Variants in TRPA1 observed in about 807,000 individuals in gnomAD.
TRPA1 encodes the protein transient receptor potential cation channel subfamily A member 1, also known as ankyrin-like with transmembrane domains 1.
A neutral mutation model predicts 131.3 loss-of-function variants in TRPA1; 129 were observed. That is an observed-to-expected ratio of 0.98 (90% CI 0.85 to 1.14). The LOEUF is 1.14. TRPA1 is among the 50% of genes most tolerant of loss of function. The pLI is 0.00. For missense variants in TRPA1, 1,304 were observed against 1,354.2 expected (o/e 0.96, Z 0.58); for synonymous variants, 441 against 451.7 (o/e 0.98, Z 0.30).
Position 72,022,944 on chromosome 8 carries a change from T to G in TRPA1, c.3322A>C (p.Arg1108=). ...TGGTGTGTTTTTGCCTTGACTGCTC[T>G]CAACACAGTATTCCATCTGCTATTC... The part of the protein sequence containing the change: ...QRNSRWNTVL[R]AVKAKTHHLE... Residue 1108 remains arginine (R), a synonymous_variant, in exon 27 of 27, where the codon AGA becomes CGA. Coordinates refer to ENST00000262209, the MANE Select transcript of TRPA1 (RefSeq NM_007332.3). The G allele has an allele frequency of 1.9e-6, 3 of 1,613,864 alleles. No homozygotes were observed. The highest frequency in any genetic ancestry group is 2.5e-6 in the Non-Finnish European group (3 of 1,179,832).
At position 72,073,707 on chromosome 8, in the gene TRPA1, G is replaced by A. The variant is rs576284079; in HGVS notation, c.111+1592C>T. Among the ~76,000 whole-genome samples the A allele has an allele frequency of 1.8e-4, 28 of 152,242 alleles. No individual in the cohort carries two copies. In the South Asian group the frequency reaches 5.2e-3, roughly 28 times the overall value. ...ACGAAGACAAATAATTTTGAGACTCGCTGCTAAGAAATCCTTCGGCAAATA... is the reference window on the plus strand; with the variant it reads ...ACGAAGACAAATAATTTTGAGACTCACTGCTAAGAAATCCTTCGGCAAATA... On this transcript the variant is annotated intron_variant, in intron 1 of 26. Transcript: ENST00000262209.
intron 24 of TRPA1, among the ~76,000 whole-genome samples, chr8:72,028,500 T>C (rs1478707525): frequency 6.6e-6 from 1 of 152,236 alleles, no homozygotes. Context: ...CACTGACTCA[T>C]CTCACCCCCT....
intron 13 of TRPA1, 50 bp from the exon 14 acceptor site, chr8:72,052,815 T>A: frequency 6.2e-7 from 1 of 1,605,318 alleles, no homozygotes; most frequent in Non-Finnish European, 8.5e-7. Context: ...GTCTAATCTG[T>A]CTTATTTCAC....
chr8:72,056,784 T>C, intron 10 of TRPA1, 133 bp downstream of exon 10: 1 of 706,544 alleles, frequency 1.4e-6, no homozygotes, highest in African/African-American at 1.8e-5. Context: ...TAGTCAAATA[T>C]GTCATCTTTA....
At chr8:72,069,674 A>G (rs990763809) in intron 2 of TRPA1, among the ~76,000 whole-genome samples, 7 of 152,102 alleles carry the variant, frequency 4.6e-5, no homozygotes, top group African/African-American at 1.7e-4. Flanking sequence ...TCACAGAGCT[A>G]GTAAGGAAGT....
chr8:72,083,578 CA>C, the TRPA1 span, among the ~76,000 whole-genome samples: 2,239 of 127,540 alleles, frequency 0.018, 22 homozygotes, highest in South Asian at 0.041. Flanking sequence ...ACTAAAAATA[CA>C]AAAAAAAAAA....
In TRPA1 at chr8:72,029,982, A is replaced by C; in HGVS notation, c.2869-13T>G. Reference sequence around the variant, plus strand: ...CTGCCAAACCAATCTGAAGTATGACACAAAATTAAATCACTACAGTTGAAT... The same window carrying C: ...CTGCCAAACCAATCTGAAGTATGACCCAAAATTAAATCACTACAGTTGAAT... On this transcript the variant is annotated splice_polypyrimidine_tract_variant and intron_variant, in intron 23 of 26. Transcript: ENST00000262209. 3 of 1,611,618 alleles carry C rather than the reference A, an allele frequency of 1.9e-6. No homozygotes were observed. Among genetic ancestry groups the C allele is most frequent in the Non-Finnish European group, 2.5e-6 (3 of 1,177,738 alleles).
chr8:72,059,131 C>T (rs1270700085), intron 8 of TRPA1, among the ~76,000 whole-genome samples: 1 of 152,182 alleles, frequency 6.6e-6, no homozygotes, highest in African/African-American at 2.4e-5. Context: ...TGCAATGTAC[C>T]TGCCAACTTC....
At chr8:72,029,619 G>A in intron 24 of TRPA1, 2 of 528,678 alleles carry the variant, frequency 3.8e-6, no homozygotes, top group Non-Finnish European at 6.9e-6. Flanking sequence ...TGAAAGTGAT[G>A]CATATTCAGT....
At chr8:72,042,381 T>C (rs1348888617) in intron 17 of TRPA1, among the ~76,000 whole-genome samples, 1 of 151,904 alleles carries the variant, frequency 6.6e-6, no homozygotes, top group East Asian at 1.9e-4. Flanking sequence ...TCGCATCCGT[T>C]AGGTTGGCCA....
intron 17 of TRPA1, among the ~76,000 whole-genome samples, chr8:72,044,159 T>C (rs1812348675): frequency 6.6e-6 from 1 of 151,628 alleles, no homozygotes; most frequent in African/African-American, 2.4e-5. Context: ...TCATTATCAA[T>C]TGGATGCCCA....
At chr8:72,053,001 TAGAGAAAGAGAG>T in intron 13 of TRPA1, 8 of 193,900 alleles carry the variant, frequency 4.1e-5, no homozygotes, top group Non-Finnish European at 6.6e-5. Flanking sequence ...GTGTGAGAGA[TAGAGAAAGAGAG>T]AGAGAGAGAG....
chr8:72,065,506 T>C lies in TRPA1; in HGVS notation c.497A>G (p.Asn166Ser). 1 of 1,613,576 alleles carries C rather than the reference T, an allele frequency of 6.2e-7. No individual in the cohort carries two copies. The highest frequency in any genetic ancestry group is 2.2e-5 in the East Asian group (1 of 44,790). Reference protein sequence around the residue: ...IDVNLEGENGNTAVIIACTTN... With the variant: ...IDVNLEGENGSTAVIIACTTN... Reference sequence around the variant, plus strand: ...GGTGCACGCAATGATCACAGCTGTGTTTCCATTTTCTCCTTCCAAATTAAC... The same window carrying C: ...GGTGCACGCAATGATCACAGCTGTGCTTCCATTTTCTCCTTCCAAATTAAC... The change falls in exon 4 of 27, where the codon AAC (asparagine) becomes AGC (serine). Residue 166 changes from asparagine to serine, a missense_variant. Physicochemically the swap from Asn to Ser is conservative, Grantham distance 46 (BLOSUM62 1). Transcript: ENST00000262209.
chr8:72,040,182 A>G (rs1812204001), intron 17 of TRPA1, among the ~76,000 whole-genome samples: 1 of 152,142 alleles, frequency 6.6e-6, no homozygotes, highest in Non-Finnish European at 1.5e-5. Flanking sequence ...GAATATACAT[A>G]CATAGTTGTT....
chr8:72,040,714 G>C (rs923794209), intron 17 of TRPA1, among the ~76,000 whole-genome samples: 3 of 152,084 alleles, frequency 2.0e-5, no homozygotes, highest in African/African-American at 7.2e-5. Context: ...CTGGGTCTTA[G>C]TCTAGCACCA....
intron 12 of TRPA1, chr8:72,055,040 T>C (rs543587342): frequency 1.8e-3 from 301 of 168,826 alleles, no homozygotes; most frequent in Non-Finnish European, 3.1e-3. Context: ...TGAACTTGTA[T>C]GTTTTGTGTG....
upstream of TRPA1, among the ~76,000 whole-genome samples, chr8:72,078,623 A>T (rs78256586): frequency 2.2e-4 from 33 of 152,242 alleles, 1 homozygote; most frequent in East Asian, 6.4e-3. Context: ...ATTCCATTGT[A>T]TGGGTATACC....
chr8:72,058,322 A>G (rs774246086), intron 8 of TRPA1, among the ~76,000 whole-genome samples: 17 of 152,164 alleles, frequency 1.1e-4, no homozygotes, highest in Non-Finnish European at 2.1e-4. Flanking sequence ...TTAGCCAAAC[A>G]TTTATTTAAG....
the TRPA1 span, among the ~76,000 whole-genome samples, chr8:72,082,908 G>T: frequency 6.6e-6 from 1 of 150,602 alleles, no homozygotes; most frequent in Admixed American, 6.6e-5. Flanking sequence ...CCTTTCTCTT[G>T]CTCTTTTCTT....
Sources: gnomAD v4.1 joint callset for allele counts (sites outside exome capture counted in the v4.1 genomes callset) on GRCh38, gnomAD v4.1.1 for gene constraint, MANE v1.5 for transcripts, NCBI Gene and HGNC (gene_info 2026-07-23, HGNC 2026-07-21) for gene names.